The following RAG1 variants were observed in gnomAD, a reference collection of about 807,000 sequenced individuals.
The protein encoded by RAG1 is recombination activating 1.
RAG1 carries 35 observed loss-of-function variants against 62.7 expected under a neutral mutation model. That is an observed-to-expected ratio of 0.56 (90% CI 0.43 to 0.74). The LOEUF is 0.74. RAG1 is among the 30% of genes least tolerant of loss of function. The pLI, the probability that RAG1 is intolerant of heterozygous loss-of-function variation, is 0.00. For synonymous variants in RAG1, 461 were observed against 470.3 expected (o/e 0.98, Z 0.26); for missense variants, 1,169 against 1,278.6 (o/e 0.91, Z 1.31).
At chr11:36,545,410 A>C (rs532539105) in intron 3 of RAG1, among the ~76,000 whole-genome samples, 1 of 152,282 alleles carries the variant, frequency 6.6e-6, no homozygotes, top group East Asian at 1.9e-4. Context: ...GACACCAAGA[A>C]AGTGAGTCAT....
chr11:36,525,937 A>G (rs918883322), intron 2 of RAG1, among the ~76,000 whole-genome samples: 2 of 152,152 alleles, frequency 1.3e-5, no homozygotes, highest in Non-Finnish European at 2.9e-5. Context: ...ACACTATGTT[A>G]TATAAGAACA....
chr11:36,535,440 A>C (rs1002550270), intron 2 of RAG1, among the ~76,000 whole-genome samples: 2 of 152,180 alleles, frequency 1.3e-5, no homozygotes, highest in Non-Finnish European at 2.9e-5. Context: ...TGTTAATTAT[A>C]ATATATGCAT....
chr11:36,574,683 G>A lies in RAG1; in HGVS notation c.1379G>A (p.Gly460Glu). ...QADELEAIMQ[G>E]KGSGLQPAVC... ...GATGAGCTGGAGGCCATCATGCAGG[G>A]AAAGGGCTCTGGCCTGCAGCCAGCT... The change falls in exon 2 of 2, where the codon GGA becomes GAA. Residue 460 changes from glycine to glutamate, a missense_variant. Gly to Glu is a moderately conservative substitution (Grantham distance 98). Around this residue, in one of 2 missense-constraint regions of RAG1, gnomAD observed 800 missense variants for 943.3 expected, o/e 0.85. Transcript: ENST00000299440. The A allele has an allele frequency of 6.2e-7, 1 of 1,614,264 alleles. No homozygotes were observed. Among genetic ancestry groups the A allele is most frequent in the Non-Finnish European group, 8.5e-7 (1 of 1,180,056 alleles).
intron 3 of RAG1, among the ~76,000 whole-genome samples, chr11:36,557,426 C>T (rs1363472735): frequency 1.4e-5 from 2 of 143,528 alleles, no homozygotes; most frequent in South Asian, 2.2e-4. Context: ...CTCCCTGACC[C>T]CTTGCGCTTC....
Position 36,579,456 on chromosome 11 carries a change from T to G in RAG1, c.*3020T>G, listed in dbSNP as rs180966342. On this transcript the variant is annotated 3_prime_UTR_variant, in exon 2 of 2. Transcript: ENST00000299440. ...TACATAAATATACCTCAGAAATCAT[T>G]TTTGGTGATTATTTTTTGTTTTGTA... is the stretch of plus-strand genomic sequence containing the variant. 1 of 167,114 alleles carries G rather than the reference T, an allele frequency of 6.0e-6. No individual in the cohort carries two copies. The highest frequency in any genetic ancestry group is 1.9e-4 in the East Asian group (1 of 5,192). The allele number at this position is 167,114 out of a possible 1,614,324, so 10.4% of individuals were successfully genotyped here. A position where few individuals can be genotyped will look rare whatever the true frequency, so the allele number is the denominator to read the frequency against.
intron 3 of RAG1, among the ~76,000 whole-genome samples, chr11:36,541,645 C>G (rs186105705): frequency 4.9e-4 from 74 of 152,228 alleles, no homozygotes; most frequent in Admixed American, 1.8e-3. Context: ...CTTGGATAGC[C>G]GATGCCTGCT....
chr11:36,568,008 A>G lies in RAG1; in HGVS notation c.-129A>G, dbSNP rs1850683845. ...AAACAGCTCAGCAGCATGTTCTGAG[A>G]AACAAGAGGGCAAGGAGAGAGCAGA... On this transcript the variant is annotated 5_prime_UTR_variant, in exon 1 of 2. Transcript: ENST00000299440. 3 of 152,256 alleles carry G rather than the reference A, an allele frequency of 2.0e-5. No individual in the cohort carries two copies. The allele number at this position is 152,256 out of a possible 1,614,324, so 9.4% of individuals were successfully genotyped here.
downstream of RAG1, among the ~76,000 whole-genome samples, chr11:36,537,184 G>C (rs1342954626): frequency 6.6e-6 from 1 of 152,144 alleles, no homozygotes; most frequent in Non-Finnish European, 1.5e-5. Flanking sequence ...TGTAAGATGA[G>C]TAAGTTCTAG....
rs1850850666 is a variant in RAG1, at chr11:36,576,309, T to A, written c.3005T>A (p.Leu1002His). 1 of 1,613,964 alleles carries A rather than the reference T, an allele frequency of 6.2e-7. No homozygotes were observed. Among genetic ancestry groups the A allele is most frequent in the Non-Finnish European group, 8.5e-7 (1 of 1,180,012 alleles). ...KHHWLYTSKY[L>H]QKFMNAHNAL... Reference sequence around the variant, plus strand: ...CACTGGTTGTACACCTCCAAATACCTCCAGAAGTTTATGAATGCTCATAAT... The same window carrying A: ...CACTGGTTGTACACCTCCAAATACCACCAGAAGTTTATGAATGCTCATAAT... Residue 1002 changes from leucine (L) to histidine (H), a missense_variant, in exon 2 of 2, where the codon CTC becomes CAC. Around this residue, in one of 2 missense-constraint regions of RAG1, gnomAD observed 800 missense variants for 943.3 expected, o/e 0.85. Transcript: ENST00000299440.
At chr11:36,557,320 G>C (rs1406390157) in intron 3 of RAG1, among the ~76,000 whole-genome samples, 1 of 96,468 alleles carries the variant, frequency 1.0e-5, no homozygotes, top group Non-Finnish European at 1.9e-5. Flanking sequence ...GTGGTGCGCC[G>C]TTTCTTAAGC....
upstream of RAG1, among the ~76,000 whole-genome samples, chr11:36,563,759 C>A (rs1432575722): frequency 2.6e-5 from 4 of 152,112 alleles, no homozygotes; most frequent in East Asian, 5.8e-4. Context: ...TAAAAACTAA[C>A]CCTTTCTTAT....
At chr11:36,529,711 T>C (rs1163062849) in intron 2 of RAG1, among the ~76,000 whole-genome samples, 1 of 152,116 alleles carries the variant, frequency 6.6e-6, no homozygotes, top group African/African-American at 2.4e-5. Flanking sequence ...ATTGTCTCTG[T>C]TTGCACATGA....
At chr11:36,513,407 C>T (rs1456142227) in intron 1 of RAG1, among the ~76,000 whole-genome samples, 1 of 152,112 alleles carries the variant, frequency 6.6e-6, no homozygotes, top group African/African-American at 2.4e-5. Context: ...AAAACTTCCC[C>T]AAACATTTGG....
At chr11:36,545,521 C>T (rs966711212) in intron 3 of RAG1, among the ~76,000 whole-genome samples, 4 of 152,134 alleles carry the variant, frequency 2.6e-5, no homozygotes, top group African/African-American at 9.7e-5. Context: ...ACCTCCAGAA[C>T]TGTGAGAAAA....
chr11:36,573,497 G>T lies in RAG1; in HGVS notation c.193G>T (p.Val65Phe), dbSNP rs750032999. ...ACCCTCTCTGGAGCAATCTCCAGCA[G>T]TCCTGGACAAGGCTGATGGTCAGAA... ...GKPSLEQSPA[V>F]LDKADGQKPV... is the part of the protein sequence containing the mutation. The change falls in exon 2 of 2, where the codon GTC (valine) becomes TTC (phenylalanine). Residue 65 changes from valine (V) to phenylalanine (F), a missense_variant. Physicochemically the swap from Val to Phe is conservative, Grantham distance 50 (BLOSUM62 -1). Around this residue, in one of 2 missense-constraint regions of RAG1, gnomAD observed 369 missense variants for 335.3 expected, o/e 1.10. Transcript: ENST00000299440. 10 of 1,614,092 alleles carry T rather than the reference G, an allele frequency of 6.2e-6. No individual in the cohort carries two copies. Among genetic ancestry groups the T allele is most frequent in the Admixed American group, 1.7e-5 (1 of 60,004 alleles).
rs145940675 is a variant in RAG1 at position 36,535,025 on chromosome 11, A to G, written n.429-934A>G. Among the ~76,000 whole-genome samples the G allele has an allele frequency of 3.4e-3, 514 of 152,324 alleles. 1 individual carries two copies. Among genetic ancestry groups the G allele is most frequent in the African/African-American group, 0.011 (464 of 41,566 alleles). On this transcript the variant is annotated intron_variant and non_coding_transcript_variant, in intron 2 of 2. Coordinates refer to the RAG1 transcript ENST00000529126. ...TTTTCTCTTTACCTTTGACTACATT[A>G]TATTACATTTTGACTGGAGGATTGT...
chr11:36,519,539 A>G (rs1465562810), intron 1 of RAG1, among the ~76,000 whole-genome samples: 1 of 152,196 alleles, frequency 6.6e-6, no homozygotes, highest in Non-Finnish European at 1.5e-5. Context: ...ACATTAGGTT[A>G]TTTCTTCTAC....
chr11:36,522,397 T>A (rs1035523402), intron 2 of RAG1, among the ~76,000 whole-genome samples: 2 of 152,292 alleles, frequency 1.3e-5, no homozygotes, highest in African/African-American at 4.8e-5. Context: ...GCAACTTCCA[T>A]GTGGTGTTGA....
chr11:36,519,216 G>T (rs1442131077), intron 1 of RAG1, among the ~76,000 whole-genome samples: 1 of 152,056 alleles, frequency 6.6e-6, no homozygotes, highest in Non-Finnish European at 1.5e-5. Flanking sequence ...AATATTACAA[G>T]TCAATGGGCA....
Sources: gnomAD v4.1 joint callset for allele counts (sites outside exome capture counted in the v4.1 genomes callset) on GRCh38, gnomAD v4.1.1 for gene constraint, gnomAD v4.1.1 regional missense constraint, MANE v1.5 for transcripts, NCBI Gene and HGNC (gene_info 2026-07-23, HGNC 2026-07-21) for gene names.